Variants in CACNB2 observed in about 807,000 individuals in gnomAD.
CACNB2 encodes the protein calcium voltage-gated channel auxiliary subunit beta 2.
In CACNB2, 42 loss-of-function variants were observed where a neutral mutation model predicts 73.3. The observed-to-expected ratio is 0.57, with a 90% confidence interval of 0.45 to 0.74. The LOEUF is 0.74. Among genes scored for constraint, CACNB2 ranks in the 30% least tolerant of loss-of-function variants. CACNB2 has a pLI of 0.00. For missense variants in CACNB2, 940 were observed against 853.0 expected (o/e 1.10, Z -1.27); for synonymous variants, 348 against 310.3 (o/e 1.12, Z -1.28).
At chr10:18,488,683 C>G (rs570005902) in intron 3 of CACNB2, among the ~76,000 whole-genome samples, 2 of 152,068 alleles carry the variant, frequency 1.3e-5, no homozygotes, top group East Asian at 3.9e-4. Flanking sequence ...TTTCTTTATA[C>G]CAACCAATTT....
intron 2 of CACNB2, among the ~76,000 whole-genome samples, chr10:18,155,663 C>G (rs972835295): frequency 2.6e-5 from 4 of 152,170 alleles, no homozygotes; most frequent in African/African-American, 9.7e-5. Flanking sequence ...CCAGTTTGCA[C>G]TCCCACAAGC....
chr10:18,146,838 GT>G (rs2031040359), intron 1 of CACNB2, among the ~76,000 whole-genome samples: 1 of 152,140 alleles, frequency 6.6e-6, no homozygotes, highest in African/African-American at 2.4e-5. Context: ...GGCCAGGCTA[GT>G]GTCAAACTCC....
At chr10:18,308,910 C>G (rs1034706966) in intron 2 of CACNB2, among the ~76,000 whole-genome samples, 1 of 152,118 alleles carries the variant, frequency 6.6e-6, no homozygotes, top group African/African-American at 2.4e-5. Flanking sequence ...AAATGAAGCA[C>G]TTGCAAAAAA....
chr10:18,175,354 C>T (rs1010106845), intron 2 of CACNB2, among the ~76,000 whole-genome samples: 4 of 152,150 alleles, frequency 2.6e-5, no homozygotes, highest in Admixed American at 6.5e-5. Context: ...CGCAGCTGGC[C>T]ACCTTTTTGC....
At chr10:18,285,373 G>T (rs2038742147) in intron 2 of CACNB2, among the ~76,000 whole-genome samples, 1 of 152,204 alleles carries the variant, frequency 6.6e-6, no homozygotes, top group Admixed American at 6.5e-5. Context: ...GCTGTGAGAA[G>T]CTCAAGCTAT....
At chr10:18,226,872 C>T (rs1050963952) in intron 2 of CACNB2, among the ~76,000 whole-genome samples, 2 of 151,946 alleles carry the variant, frequency 1.3e-5, no homozygotes, top group African/African-American at 2.4e-5. Context: ...TACAGGTCTG[C>T]GGTTATTGGT....
At chr10:18,262,224 G>A (rs988365172) in intron 2 of CACNB2, among the ~76,000 whole-genome samples, 1 of 147,628 alleles carries the variant, frequency 6.8e-6, no homozygotes, top group Non-Finnish European at 1.5e-5. Flanking sequence ...TTGGAAAATT[G>A]GCCACAGAAA....
intron 2 of CACNB2, among the ~76,000 whole-genome samples, chr10:18,352,881 A>G (rs1318820292): frequency 6.6e-6 from 1 of 152,250 alleles, no homozygotes; most frequent in Non-Finnish European, 1.5e-5. Context: ...ATATGTGAGC[A>G]TATTTTGAAT....
At chr10:18,416,153 C>T (rs1039670324) in intron 3 of CACNB2, among the ~76,000 whole-genome samples, 1 of 151,972 alleles carries the variant, frequency 6.6e-6, no homozygotes, top group African/African-American at 2.4e-5. Flanking sequence ...CTCCCTGCAC[C>T]CCCCACTCAC....
At chr10:18,145,928 G>A (rs2030921651) in intron 1 of CACNB2, among the ~76,000 whole-genome samples, 1 of 151,832 alleles carries the variant, frequency 6.6e-6, no homozygotes, top group African/African-American at 2.4e-5. Context: ...CTCCTTACTG[G>A]GCAGATAGAT....
intron 2 of CACNB2, among the ~76,000 whole-genome samples, chr10:18,260,039 C>G (rs1278719617): frequency 6.6e-6 from 1 of 152,146 alleles, no homozygotes; most frequent in Non-Finnish European, 1.5e-5. Context: ...TAGGTCTCAA[C>G]AGAATATGGA....
rs182691563 is a variant in CACNB2 at position 18,264,391 on chromosome 10, G to A, written c.213+113416G>A. ...CGAAGTATAACATACATGCAGAAAA[G>A]TGGGTGCAGAAATTATATAAGCATT... On this transcript the variant is annotated intron_variant, in intron 2 of 13. Transcript: ENST00000324631. Among the ~76,000 whole-genome samples the A allele has an allele frequency of 2.0e-5, 3 of 152,292 alleles. No homozygotes were observed. The East Asian group carries it at 5.8e-4, about 29-fold the overall frequency.
chr10:18,294,488 C>G (rs925527182), intron 2 of CACNB2, among the ~76,000 whole-genome samples: 7 of 152,166 alleles, frequency 4.6e-5, no homozygotes, highest in Non-Finnish European at 1.0e-4. Context: ...CATCATAGAG[C>G]TTACATTCTA....
intron 2 of CACNB2, among the ~76,000 whole-genome samples, chr10:18,258,243 C>G (rs994173094): frequency 6.6e-6 from 1 of 152,156 alleles, no homozygotes; most frequent in Non-Finnish European, 1.5e-5. Flanking sequence ...GGGGGAATCT[C>G]TCTCATATTG....
chr10:18,492,618 CT>C (rs2049507804), intron 3 of CACNB2, among the ~76,000 whole-genome samples: 1 of 34,272 alleles, frequency 2.9e-5, no homozygotes, highest in Non-Finnish European at 4.6e-5. Context: ...AAGACTCTGT[CT>C]CAAAAAAAAA....
At chr10:18,443,421 C>T (rs1287648956) in intron 3 of CACNB2, among the ~76,000 whole-genome samples, 1 of 152,004 alleles carries the variant, frequency 6.6e-6, no homozygotes, top group Non-Finnish European at 1.5e-5. Context: ...CAGCAGGAGC[C>T]CAGGCCTCCT....
At chr10:18,342,337 T>C (rs1355955443) in intron 2 of CACNB2, among the ~76,000 whole-genome samples, 1 of 152,204 alleles carries the variant, frequency 6.6e-6, no homozygotes, top group African/African-American at 2.4e-5. Context: ...TGATATTAAA[T>C]AGTCACGAGG....
chr10:18,468,286 C>A lies in CACNB2; in HGVS notation c.334-30069C>A, dbSNP rs11816379. 7.6e-3 allele frequency among the ~76,000 whole-genome samples: 1,163 copies of A among 152,140 alleles called. 20 individuals are homozygous for A. The highest frequency in any genetic ancestry group is 0.026 in the African/African-American group (1,068 of 41,520). On this transcript the variant is annotated intron_variant, in intron 3 of 13. Coordinates refer to ENST00000324631, the MANE Select transcript of CACNB2 (RefSeq NM_201596.3). Reference sequence around the variant, plus strand: ...CAGCCTGGGCAACATGGCGAAAACCCATCTCCACAAAAAACACTAAAAAAA... The same window carrying A: ...CAGCCTGGGCAACATGGCGAAAACCAATCTCCACAAAAAACACTAAAAAAA...
chr10:18,186,686 A>T (rs1195871844), intron 2 of CACNB2, among the ~76,000 whole-genome samples: 5 of 152,134 alleles, frequency 3.3e-5, no homozygotes, highest in Non-Finnish European at 7.4e-5. Flanking sequence ...CTCACTCAGG[A>T]TCATGAGGAC....
Sources: allele counts gnomAD v4.1 joint callset (sites outside exome capture counted in the v4.1 genomes callset), GRCh38; gene constraint gnomAD v4.1.1; transcripts MANE v1.5; gene names NCBI Gene and HGNC (gene_info 2026-07-23, HGNC 2026-07-21).